Variants in MBP observed in about 807,000 individuals in gnomAD.
MBP encodes myelin basic protein, also known as Golli-MBP.
MBP carries 16 observed loss-of-function variants against 35.8 expected under a neutral mutation model. The ratio of observed to expected loss-of-function variants is 0.45; its 90% CI spans 0.30 to 0.68. The LOEUF is 0.68. Ranked by LOEUF, MBP falls within the 30% of genes least tolerant of loss-of-function variation. The probability of loss-of-function intolerance (pLI) is 0.08; values close to 1 mark genes in which losing one functional copy is unlikely to be tolerated. For synonymous variants in MBP, 143 were observed against 159.6 expected, an observed-to-expected ratio of 0.90 and a Z score of 0.78; for missense variants, 380 against 404.7, an observed-to-expected ratio of 0.94 and a Z score of 0.52.
chr18:77,083,873 C>T (rs1975082226), intron 2 of MBP, among the ~76,000 whole-genome samples: 1 of 152,094 alleles, frequency 6.6e-6, no homozygotes, highest in South Asian at 2.1e-4. Context: ...CTAGAAGGCA[C>T]AGGTTTCTTT....
chr18:76,981,092 GAGTTGGC>G (rs1023752398), intron 8 of MBP: 1 of 153,854 alleles, frequency 6.5e-6, no homozygotes, highest in Non-Finnish European at 1.4e-5. Context: ...GTTTAAAAGA[GAGTTGGC>G]AGCTAATTGA....
At chr18:77,063,598 C>T (rs549906566) in intron 3 of MBP, among the ~76,000 whole-genome samples, 41 of 152,316 alleles carry the variant, frequency 2.7e-4, no homozygotes, top group African/African-American at 8.2e-4. Context: ...CTCCGGTGTC[C>T]AAGGACCTGG....
At chr18:76,997,802 C>A (rs1970375410) in intron 4 of MBP, among the ~76,000 whole-genome samples, 1 of 151,488 alleles carries the variant, frequency 6.6e-6, no homozygotes, top group African/African-American at 2.4e-5. Flanking sequence ...CCTGCCTCAA[C>A]CTCCCGAGTA....
rs1568266954 is a variant in MBP, at chr18:76,988,721, GA to G, written c.717+155del. 3 of 1,320,376 alleles carry G rather than the reference GA, an allele frequency of 2.3e-6. No homozygotes were observed. Among genetic ancestry groups the G allele is most frequent in the Non-Finnish European group, 3.1e-6 (3 of 956,304 alleles). 81.8% of individuals were successfully genotyped at this position (1,320,376 alleles called of 1,614,324 possible). On this transcript the variant is annotated intron_variant, in intron 6 of 8. Transcript: ENST00000355994. The surrounding 1 kb of genome is among the most constrained non-coding windows in gnomAD (Gnocchi z 5.2). ...GCGGGAGGGACAGGAGGGGTGCATG[GA>G]TCTGCCGACCTGTTCTACTTGGGAG...
At chr18:77,088,033 G>A (rs1177694214) in intron 2 of MBP, among the ~76,000 whole-genome samples, 1 of 152,078 alleles carries the variant, frequency 6.6e-6, no homozygotes, top group South Asian at 2.1e-4. Flanking sequence ...TGGCGAGGGA[G>A]CCCGGGCCCT....
chr18:77,061,629 G>A (rs1426601908), intron 3 of MBP, among the ~76,000 whole-genome samples: 1 of 152,228 alleles, frequency 6.6e-6, no homozygotes, highest in African/African-American at 2.4e-5. Flanking sequence ...GCAGCTCAGA[G>A]TGAAACGGGC....
intron 4 of MBP, among the ~76,000 whole-genome samples, chr18:77,012,243 G>A (rs1971395247): frequency 6.6e-6 from 1 of 152,076 alleles, no homozygotes; most frequent in South Asian, 2.1e-4. Flanking sequence ...TCAGTGTCTC[G>A]AGGTTCCCAT....
Position 77,024,914 on chromosome 18 carries a change from T to C in MBP, c.140-7646A>G, listed in dbSNP as rs567994060. Among the ~76,000 whole-genome samples, 3 of 152,244 alleles carry C rather than the reference T, an allele frequency of 2.0e-5. No individual in the cohort carries two copies. In the South Asian group the frequency reaches 6.2e-4, roughly 32 times the overall value. ...GCAGCACACTGACCTGGGTGACGTG[T>C]CCTCCCCATGCCACCCTCCCACAAA... On this transcript the variant is annotated intron_variant, in intron 3 of 8. Transcript: ENST00000355994.
At chr18:77,051,976 T>C (rs1312847030) in intron 3 of MBP, among the ~76,000 whole-genome samples, 3 of 152,110 alleles carry the variant, frequency 2.0e-5, no homozygotes, top group Admixed American at 6.5e-5. Context: ...CCTTCTCTCA[T>C]TGGAACAAGT....
intron 3 of MBP, among the ~76,000 whole-genome samples, chr18:77,054,130 ACT>A (rs1468260992): frequency 2.0e-5 from 3 of 151,866 alleles, no homozygotes; most frequent in Admixed American, 6.6e-5. Flanking sequence ...GATGGCAGAG[ACT>A]CTATGTGGAA....
At chr18:76,999,971 A>G (rs1362861307) in intron 4 of MBP, among the ~76,000 whole-genome samples, 1 of 152,146 alleles carries the variant, frequency 6.6e-6, no homozygotes, top group African/African-American at 2.4e-5. Context: ...ACTATAAAAG[A>G]AGAAATGGAC....
chr18:76,984,920 A>G lies in MBP; in HGVS notation c.751-26T>C, dbSNP rs376783396. On this transcript the variant is annotated intron_variant, in intron 7 of 8. Coordinates refer to ENST00000355994, the MANE Select transcript of MBP (RefSeq NM_001025101.2). Reference sequence around the variant, plus strand: ...CTGCAAGAGAAGACCACGGAGCTCAACCTCCACCCGCGGTGCTGGGCACGC... The same window carrying G: ...CTGCAAGAGAAGACCACGGAGCTCAGCCTCCACCCGCGGTGCTGGGCACGC... 3 of 1,610,718 alleles carry G rather than the reference A, an allele frequency of 1.9e-6. No individual in the cohort carries two copies. In the African/African-American group the frequency reaches 4.0e-5, roughly 22 times the overall value.
At chr18:77,054,828 G>A (rs1234905087) in intron 3 of MBP, among the ~76,000 whole-genome samples, 1 of 151,976 alleles carries the variant, frequency 6.6e-6, no homozygotes, top group African/African-American at 2.4e-5. Context: ...TCCAGTTCCT[G>A]TTAGCGGTGG....
At chr18:77,014,233 G>C in intron 4 of MBP, 1 of 985,412 alleles carries the variant, frequency 1.0e-6, no homozygotes, top group Non-Finnish European at 1.2e-6. Flanking sequence ...GGTGTTGTTA[G>C]GGCATTCCCG....
intron 1 of MBP, among the ~76,000 whole-genome samples, chr18:77,122,473 G>A (rs957851606): frequency 2.0e-5 from 3 of 152,116 alleles, no homozygotes; most frequent in African/African-American, 7.2e-5. Context: ...CCGGGACAGT[G>A]GAGGCCAAGT....
rs967064352 is a variant in MBP at position 77,131,967 on chromosome 18, G to C, written c.-26+613C>G. Among the ~76,000 whole-genome samples the C allele has an allele frequency of 2.0e-5, 3 of 152,294 alleles. No homozygotes were observed. In the South Asian group the frequency reaches 6.2e-4, roughly 32 times the overall value. On this transcript the variant is annotated intron_variant, in intron 1 of 8. Transcript: ENST00000355994. This position sits in a 1 kb window ranked among gnomAD's most constrained non-coding sequence, Gnocchi z 5.5. ...CCGGGCTCTCCTGGCCGCCCCTGGA[G>C]CTCAGAGGGAGACTGCGCTTCGCCC...
chr18:76,991,690 G>A (rs753976283), intron 4 of MBP, among the ~76,000 whole-genome samples: 24 of 152,194 alleles, frequency 1.6e-4, no homozygotes, highest in Non-Finnish European at 2.9e-4. Flanking sequence ...CACACCTCAG[G>A]CAGGAATGAA....
At chr18:77,063,511 T>C (rs1305336337) in intron 3 of MBP, among the ~76,000 whole-genome samples, 1 of 152,176 alleles carries the variant, frequency 6.6e-6, no homozygotes, top group East Asian at 1.9e-4. Context: ...TCTTGAGAAC[T>C]GCTTCCTCGG....
chr18:77,012,653 G>A (rs1971418669), intron 4 of MBP: 1 of 272,164 alleles, frequency 3.7e-6, no homozygotes, highest in Non-Finnish European at 5.6e-6. Flanking sequence ...AGAAGGGCAG[G>A]AGCTCGGGTG....
Sources: gnomAD v4.1 joint callset for allele counts (sites outside exome capture counted in the v4.1 genomes callset) on GRCh38, gnomAD v4.1.1 for gene constraint, Gnocchi (gnomAD v3.1) non-coding constraint, MANE v1.5 for transcripts, NCBI Gene and HGNC (gene_info 2026-07-23, HGNC 2026-07-21) for gene names.